The following TRDN variants were observed in gnomAD, a reference collection of about 807,000 sequenced individuals.
TRDN encodes the protein triadin, also known as triadin in skeletal muscle.
In TRDN, 161 loss-of-function variants were observed where a neutral mutation model predicts 149.7. The observed-to-expected ratio is 1.08, with a 90% CI of 0.95 to 1.23. The LOEUF (loss-of-function observed/expected upper bound fraction) is 1.23, where lower values mean the gene tolerates loss of function less well. TRDN is among the 50% of genes most tolerant of loss of function. The probability of loss-of-function intolerance (pLI) is 0.00; values close to 1 mark genes in which losing one functional copy is unlikely to be tolerated. For missense variants in TRDN, 896 were observed against 823.5 expected (o/e 1.09, Z -1.08); for synonymous variants, 294 against 250.5 (o/e 1.17, Z -1.64).
At position 123,248,790 on chromosome 6, in the gene TRDN, T is replaced by C. The variant is rs116325016; in HGVS notation, c.1975+3622A>G. On this transcript the variant is annotated intron_variant, in intron 38 of 40. Coordinates refer to ENST00000334268, the MANE Select transcript of TRDN (RefSeq NM_006073.4). ...ATTCACAGTCAAATTCTATGAAACA[T>C]AGAAAGAAAAACTTAATACCAGTTT... 3.0e-3 allele frequency among the ~76,000 whole-genome samples: 454 copies of C among 152,092 alleles called. 2 individuals carry two copies. The highest frequency in any genetic ancestry group is 0.01 in the African/African-American group (423 of 41,498).
intron 10 of TRDN, among the ~76,000 whole-genome samples, chr6:123,450,834 A>G (rs995191091): frequency 6.6e-6 from 1 of 152,170 alleles, no homozygotes; most frequent in Non-Finnish European, 1.5e-5. Flanking sequence ...TCTCCAAGAT[A>G]GATCATATGG....
intron 24 of TRDN, among the ~76,000 whole-genome samples, chr6:123,316,057 C>A (rs1197248547): frequency 6.6e-6 from 1 of 151,930 alleles, no homozygotes; most frequent in African/African-American, 2.4e-5. Context: ...TAGGTAAATA[C>A]AGGTTCATAA....
At chr6:123,428,243 C>A (rs1341742444) in intron 12 of TRDN, among the ~76,000 whole-genome samples, 2 of 152,152 alleles carry the variant, frequency 1.3e-5, no homozygotes, top group Non-Finnish European at 2.9e-5. Flanking sequence ...TCAGATTATT[C>A]TTTCACCCAC....
At chr6:123,513,717 C>A (rs1297846122) in intron 6 of TRDN, among the ~76,000 whole-genome samples, 1 of 151,470 alleles carries the variant, frequency 6.6e-6, no homozygotes, top group East Asian at 1.9e-4. Flanking sequence ...TCTTTTTTTT[C>A]TGTAGGTTAT....
At chr6:123,382,567 T>C (rs1331428535) in intron 14 of TRDN, among the ~76,000 whole-genome samples, 1 of 151,938 alleles carries the variant, frequency 6.6e-6, no homozygotes. Flanking sequence ...ATTTGTTCAA[T>C]CTAAGTCAGT....
intron 9 of TRDN, among the ~76,000 whole-genome samples, chr6:123,492,899 C>T (rs1778283914): frequency 6.6e-6 from 1 of 152,028 alleles, no homozygotes; most frequent in Non-Finnish European, 1.5e-5. Flanking sequence ...AGACAGCTAC[C>T]ATAAGACGAA....
At chr6:123,560,811 C>G (rs1041223384) in intron 2 of TRDN, among the ~76,000 whole-genome samples, 7 of 152,166 alleles carry the variant, frequency 4.6e-5, no homozygotes, top group African/African-American at 1.7e-4. Flanking sequence ...ATTCTGTCAT[C>G]ATTTCATAAC....
Position 123,218,627 on chromosome 6 carries a change from G to A in TRDN, c.2164C>T (p.Pro722Ser). 6.2e-7 allele frequency: 1 copy of A among 1,611,734 alleles called. No homozygotes were observed. The highest frequency in any genetic ancestry group is 8.5e-7 in the Non-Finnish European group (1 of 1,178,614). ...PGESSGQANSPGQKQQGQ is the reference protein window; with the variant it reads ...PGESSGQANSSGQKQQGQ ...TACTGTCCTTGTTGCTTCTGTCCTGGAGAATTTGCTTGACCAGAGCTCTCT... is the reference window on the plus strand; with the variant it reads ...TACTGTCCTTGTTGCTTCTGTCCTGAAGAATTTGCTTGACCAGAGCTCTCT... The change falls in exon 41 of 41, where the codon CCA becomes TCA. Residue 722 changes from proline to serine, a missense_variant. Coordinates refer to ENST00000334268, the MANE Select transcript of TRDN (RefSeq NM_006073.4).
intron 32 of TRDN, 128 bp downstream of exon 32, chr6:123,267,579 T>A (rs1227069043): frequency 3.4e-6 from 2 of 587,214 alleles, no homozygotes; most frequent in Non-Finnish European, 5.5e-6. Flanking sequence ...TAGATTACAC[T>A]ACAAAACCAC....
Position 123,547,345 on chromosome 6 carries a change from T to C in TRDN, c.419A>G (p.Lys140Arg), listed in dbSNP as rs200953683. The C allele has an allele frequency of 1.7e-4, 248 of 1,462,624 alleles. No individual in the cohort carries two copies. The highest frequency in any genetic ancestry group is 3.4e-4 in the Admixed American group (13 of 38,280). 90.6% of individuals were successfully genotyped at this position (1,462,624 alleles called of 1,614,324 possible). Residue 140 changes from lysine (K) to arginine (R), a missense_variant, in exon 4 of 41, where the codon AAA becomes AGA. Transcript: ENST00000334268. ...KGEIDEPPLR[K>R]KEIHKDKTEK... ...CAAAGGTGAAAACAACTAACCTTTT[T>C]TTCTCAAGGGAGGCTCATCTATTTC...
At chr6:123,441,446 A>G (rs771219933) in intron 10 of TRDN, among the ~76,000 whole-genome samples, 1 of 152,344 alleles carries the variant, frequency 6.6e-6, no homozygotes, top group East Asian at 1.9e-4. Flanking sequence ...ATGTATCTAC[A>G]GGATGTGAAA....
intron 24 of TRDN, among the ~76,000 whole-genome samples, chr6:123,301,185 T>A (rs1161850716): frequency 6.6e-6 from 1 of 152,060 alleles, no homozygotes; most frequent in East Asian, 1.9e-4. Context: ...TCCTACCCCA[T>A]TCATCTCTGT....
At chr6:123,349,661 T>A in intron 21 of TRDN, 1 of 956,716 alleles carries the variant, frequency 1.0e-6, no homozygotes, top group Non-Finnish European at 1.2e-6. Flanking sequence ...ATAACTTTGG[T>A]ACACCAAGAA....
chr6:123,558,855 C>G (rs142095354), intron 2 of TRDN, among the ~76,000 whole-genome samples: 1 of 152,176 alleles, frequency 6.6e-6, no homozygotes, highest in Non-Finnish European at 1.5e-5. Flanking sequence ...GAACTCCAAA[C>G]GCCTGAACTG....
intron 21 of TRDN, chr6:123,350,352 T>A: frequency 1.1e-6 from 1 of 945,342 alleles, no homozygotes; most frequent in Non-Finnish European, 1.3e-6. Flanking sequence ...GATCACAAAG[T>A]GTACTTAAAC....
chr6:123,341,802 A>G (rs1313165931), intron 21 of TRDN, among the ~76,000 whole-genome samples: 1 of 152,026 alleles, frequency 6.6e-6, no homozygotes, highest in Non-Finnish European at 1.5e-5. Context: ...GCTTCCTTAA[A>G]TTACACTTGT....
intron 38 of TRDN, among the ~76,000 whole-genome samples, chr6:123,225,929 T>G (rs144879844): frequency 2.0e-5 from 3 of 151,938 alleles, no homozygotes; most frequent in African/African-American, 7.2e-5. Flanking sequence ...CAGTTTTGTC[T>G]TATTTATTTA....
chr6:123,529,452 G>A (rs1780119329), intron 5 of TRDN: 1 of 1,112,720 alleles, frequency 9.0e-7, no homozygotes, highest in South Asian at 1.3e-5. Context: ...CAAACATTAG[G>A]ATTAAAGACA....
intron 24 of TRDN, among the ~76,000 whole-genome samples, chr6:123,303,294 A>C (rs1240589451): frequency 2.2e-5 from 3 of 137,290 alleles, no homozygotes; most frequent in African/African-American, 7.7e-5. Context: ...AAAAATTATT[A>C]ACCAATGATT....
Sources: allele counts gnomAD v4.1 joint callset (sites outside exome capture counted in the v4.1 genomes callset), GRCh38; gene constraint gnomAD v4.1.1; transcripts MANE v1.5; gene names NCBI Gene and HGNC (gene_info 2026-07-23, HGNC 2026-07-21).